The following RELL1 variants were observed in gnomAD, a reference collection of about 807,000 sequenced individuals.
RELL1 encodes the protein RELT like 1, also known as RELT-like protein 1.
A neutral mutation model predicts 23.0 loss-of-function variants in RELL1; 10 were observed. The ratio of observed to expected loss-of-function variants is 0.43; its 90% CI spans 0.27 to 0.74. RELL1 has a LOEUF of 0.74. RELL1 is among the 30% of genes least tolerant of loss of function. The pLI, the probability that RELL1 is intolerant of heterozygous loss-of-function variation, is 0.19. For missense variants in RELL1, 315 were observed against 364.4 expected, an observed-to-expected ratio of 0.86 and a Z score of 1.10; for synonymous variants, 146 against 146.8, an observed-to-expected ratio of 0.99 and a Z score of 0.04.
intron 1 of RELL1, among the ~76,000 whole-genome samples, chr4:37,658,846 A>C (rs563162660): frequency 2.6e-5 from 4 of 152,234 alleles, no homozygotes; most frequent in Non-Finnish European, 5.9e-5. Flanking sequence ...AAAACCATGG[A>C]TTCCAATTAG....
chr4:37,621,320 G>A (rs971051194), intron 6 of RELL1, among the ~76,000 whole-genome samples: 9 of 152,080 alleles, frequency 5.9e-5, no homozygotes, highest in African/African-American at 2.2e-4. Flanking sequence ...GCCAGGCGTG[G>A]TGGTGGGCAC....
chr4:37,590,855 T>C (rs917875165), exon 7 of RELL1: 12 of 1,614,046 alleles, frequency 7.4e-6, no homozygotes, highest in Admixed American at 3.3e-5. Context: ...ATGCCTGTGG[T>C]TGACTCAGGA....
At chr4:37,641,902 A>G (rs1720543387) in intron 3 of RELL1, among the ~76,000 whole-genome samples, 1 of 152,216 alleles carries the variant, frequency 6.6e-6, no homozygotes, top group Non-Finnish European at 1.5e-5. Context: ...TGACCTTAAC[A>G]GTAGGTAGAA....
chr4:37,655,033 T>A (rs777124576), intron 1 of RELL1, among the ~76,000 whole-genome samples: 1 of 152,196 alleles, frequency 6.6e-6, no homozygotes. Context: ...TTAAAAAGTA[T>A]GTAGAGCAGA....
intron 1 of RELL1, among the ~76,000 whole-genome samples, chr4:37,666,867 T>A (rs972497732): frequency 6.6e-6 from 1 of 151,990 alleles, no homozygotes; most frequent in Non-Finnish European, 1.5e-5. Flanking sequence ...TTCCAATTAG[T>A]CACAGGTTAG....
chr4:37,661,952 G>A (rs546177806), intron 1 of RELL1, among the ~76,000 whole-genome samples: 15 of 152,268 alleles, frequency 9.9e-5, no homozygotes, highest in African/African-American at 2.9e-4. Flanking sequence ...TGACTGGGCA[G>A]GGAGGGGACA....
chr4:37,605,255 G>A (rs1369199605), intron 6 of RELL1, among the ~76,000 whole-genome samples: 2 of 152,148 alleles, frequency 1.3e-5, no homozygotes, highest in Non-Finnish European at 2.9e-5. Flanking sequence ...TGGTGTGTGT[G>A]TATGTATATA....
At chr4:37,664,061 C>T (rs926769561) in intron 1 of RELL1, among the ~76,000 whole-genome samples, 10 of 152,114 alleles carry the variant, frequency 6.6e-5, no homozygotes, top group African/African-American at 2.4e-4. Context: ...ACAAAATTTC[C>T]CAATATTAAT....
chr4:37,627,283 G>A (rs947311836), intron 6 of RELL1, among the ~76,000 whole-genome samples: 3 of 152,136 alleles, frequency 2.0e-5, no homozygotes, highest in Admixed American at 2.0e-4. Flanking sequence ...AGAAACATGC[G>A]ACACAGAATG....
intron 1 of RELL1, among the ~76,000 whole-genome samples, chr4:37,674,467 T>G (rs1019048978): frequency 1.3e-5 from 2 of 152,236 alleles, no homozygotes; most frequent in African/African-American, 4.8e-5. Context: ...CTTTTTCTTT[T>G]GGTGGTTGTT....
chr4:37,589,098 C>T (rs1718466686), downstream of RELL1, among the ~76,000 whole-genome samples: 1 of 152,150 alleles, frequency 6.6e-6, no homozygotes, highest in Non-Finnish European at 1.5e-5. Flanking sequence ...TTTTTGCTCA[C>T]TTCTCAAAGC....
chr4:37,610,170 C>A (rs1719330483), downstream of RELL1, among the ~76,000 whole-genome samples: 1 of 152,076 alleles, frequency 6.6e-6, no homozygotes, highest in African/African-American at 2.4e-5. The surrounding 1 kb of genome is among the most constrained non-coding windows in gnomAD (Gnocchi z 4.1). Flanking sequence ...CAGTAGCCTT[C>A]AACATTGAGG....
At chr4:37,591,121 T>G in exon 7 of RELL1, 1 of 774,034 alleles carries the variant, frequency 1.3e-6, no homozygotes, top group Non-Finnish European at 2.1e-6. Context: ...ACCAGTTGTT[T>G]ACATCCAGCA....
chr4:37,635,047 G>A lies in RELL1; in HGVS notation c.520C>T (p.His174Tyr). 1 of 1,614,250 alleles carries A rather than the reference G, an allele frequency of 6.2e-7. No homozygotes were observed. Among genetic ancestry groups the A allele is most frequent in the Non-Finnish European group, 8.5e-7 (1 of 1,180,050 alleles). Reference protein sequence around the residue: ...PLSPGGTPGKHVCGHHLHTVG... With the variant: ...PLSPGGTPGKYVCGHHLHTVG... ...GTATGCAGATGATGGCCACAGACGT[G>A]CTTCCCTGGCGTCCCCCCTGGTGAC... Residue 174 changes from histidine to tyrosine, a missense_variant, in exon 5 of 7, where the codon CAC becomes TAC. His to Tyr is a moderately conservative substitution (Grantham distance 83). Coordinates refer to ENST00000454158, the MANE Select transcript of RELL1 (RefSeq NM_001085400.2).
In RELL1 at chr4:37,644,172, A is replaced by T. The variant is rs79522505; in HGVS notation, c.385+3196T>A. On this transcript the variant is annotated intron_variant, in intron 3 of 6. Coordinates refer to ENST00000454158, the MANE Select transcript of RELL1 (RefSeq NM_001085400.2). ...GGCTACTTTCCAAAAGGAAAACAAC[A>T]TCATTTAAAAAGAAAAAGAAAAAAA... 1.6e-3 allele frequency among the ~76,000 whole-genome samples: 237 copies of T among 152,192 alleles called. 2 individuals are homozygous for T. The East Asian group carries it at 0.025, about 16-fold the overall frequency.
chr4:37,668,724 A>G (rs1721637723), intron 1 of RELL1, among the ~76,000 whole-genome samples: 1 of 144,052 alleles, frequency 6.9e-6, no homozygotes, highest in Admixed American at 6.8e-5. Context: ...CCAGTCTGGA[A>G]AGTGAGGAGC....
intron 1 of RELL1, among the ~76,000 whole-genome samples, chr4:37,683,318 C>T (rs1722283334): frequency 6.6e-6 from 1 of 152,208 alleles, no homozygotes; most frequent in African/African-American, 2.4e-5. Context: ...TACACACATA[C>T]ACAGACACCT....
At chr4:37,637,455 G>A (rs1720371241) in intron 4 of RELL1, among the ~76,000 whole-genome samples, 1 of 152,216 alleles carries the variant, frequency 6.6e-6, no homozygotes, top group Non-Finnish European at 1.5e-5. Flanking sequence ...TCATGATGTG[G>A]TGACTTTTCT....
chr4:37,638,996 A>C (rs559356233), intron 3 of RELL1, among the ~76,000 whole-genome samples: 1 of 152,330 alleles, frequency 6.6e-6, no homozygotes, highest in African/African-American at 2.4e-5. Flanking sequence ...CTGTAGCATC[A>C]ATTCTATCCC....
Sources: allele counts gnomAD v4.1 joint callset (sites outside exome capture counted in the v4.1 genomes callset), GRCh38; gene constraint gnomAD v4.1.1; non-coding constraint Gnocchi (gnomAD v3.1); transcripts MANE v1.5; gene names NCBI Gene and HGNC (gene_info 2026-07-23, HGNC 2026-07-21).